The following TMEM63C variants were observed in gnomAD, a reference collection of about 807,000 sequenced individuals.
TMEM63C encodes the protein transmembrane protein 63C.
In TMEM63C, 32 loss-of-function variants were observed where a neutral mutation model predicts 99.2. That is an observed-to-expected ratio of 0.32 (90% CI 0.24 to 0.43). The LOEUF is 0.43. TMEM63C is among the 20% of genes least tolerant of loss of function. TMEM63C has a pLI of 1.00. For synonymous variants in TMEM63C, 376 were observed against 397.9 expected, an observed-to-expected ratio of 0.94 and a Z score of 0.66; for missense variants, 826 against 1,053.0, an observed-to-expected ratio of 0.78 and a Z score of 2.98.
rs1046457474 is a variant in TMEM63C, at chr14:77,257,453, T to A, written c.*727T>A. On this transcript the variant is annotated 3_prime_UTR_variant, in exon 24 of 24. Coordinates refer to ENST00000298351, the MANE Select transcript of TMEM63C (RefSeq NM_020431.4). ...GCGTGATCACTCAGGGCTCATCAAA[T>A]GAGACTCGTGTGCATTTTTCAGAAG... is the stretch of plus-strand genomic sequence containing the variant. 1 of 152,194 alleles carries A rather than the reference T, an allele frequency of 6.6e-6. No homozygotes were observed. The highest frequency in any genetic ancestry group is 6.5e-5 in the Admixed American group (1 of 15,288). The allele number at this position is 152,194 out of a possible 1,614,324, so 9.4% of individuals were successfully genotyped here.
At chr14:77,239,076 C>T (rs1042942972) in intron 10 of TMEM63C, among the ~76,000 whole-genome samples, 5 of 152,224 alleles carry the variant, frequency 3.3e-5, no homozygotes, top group Non-Finnish European at 7.3e-5. Flanking sequence ...AGAAGATCAT[C>T]TGGAGACATC....
intron 15 of TMEM63C, 100 bp from the exon 16 acceptor site, chr14:77,244,249 G>A: frequency 1.1e-6 from 1 of 927,992 alleles, no homozygotes; most frequent in South Asian, 1.5e-5. Context: ...GCCTCCAGGA[G>A]AGCAAGCCAG....
intron 18 of TMEM63C, 79 bp from the exon 19 acceptor site, chr14:77,248,268 T>C (rs1889297293): frequency 5.4e-6 from 7 of 1,300,752 alleles, no homozygotes; most frequent in Non-Finnish European, 7.5e-6. Flanking sequence ...TCTGCTGCTC[T>C]CCTCTCTCTC....
At position 77,242,953 on chromosome 14, in the gene TMEM63C, T is replaced by C; in HGVS notation, c.1238T>C (p.Ile413Thr). Residue 413 changes from isoleucine to threonine, a missense_variant, in exon 15 of 24, where the codon ATC (isoleucine) becomes ACC (threonine). By Grantham distance (89) the Ile-to-Thr change is moderately conservative. Transcript: ENST00000298351. ...RFFWWARFIAINTFLFFLFFF... is the reference protein window; with the variant it reads ...RFFWWARFIATNTFLFFLFFF... ...TTTTGGTGGGCCCGCTTTATCGCAA[T>C]CAACACCTTCCTCTTCTTCCTCTTC... 6.2e-7 allele frequency: 1 copy of C among 1,613,988 alleles called. No individual in the cohort carries two copies. The highest frequency in any genetic ancestry group is 8.5e-7 in the Non-Finnish European group (1 of 1,179,896).
rs189107852 is a variant in TMEM63C, at chr14:77,214,447, C to A, written c.-14+939C>A. Among the ~76,000 whole-genome samples the A allele has an allele frequency of 3.0e-3, 463 of 152,182 alleles. 4 individuals carry two copies. The highest frequency in any genetic ancestry group is 0.011 in the African/African-American group (444 of 41,516). ...ACTGGGAGACTCCCCAGTCCAGCTTCCCTTTCCACCCTCTCAGAGGGTGGT... is the reference window on the plus strand; with the variant it reads ...ACTGGGAGACTCCCCAGTCCAGCTTACCTTTCCACCCTCTCAGAGGGTGGT... On this transcript the variant is annotated intron_variant, in intron 2 of 23. Coordinates refer to ENST00000298351, the MANE Select transcript of TMEM63C (RefSeq NM_020431.4).
intron 18 of TMEM63C, 106 bp from the exon 19 acceptor site, chr14:77,248,241 C>T: frequency 5.1e-6 from 5 of 985,984 alleles, no homozygotes; most frequent in Non-Finnish European, 6.0e-6. Flanking sequence ...TGTATCTCCA[C>T]TCCGATTCCC....
chr14:77,222,213 C>T (rs1258394366), intron 5 of TMEM63C, among the ~76,000 whole-genome samples: 1 of 152,238 alleles, frequency 6.6e-6, no homozygotes, highest in Non-Finnish European at 1.5e-5. Flanking sequence ...TCCCACCACA[C>T]ACCCACCTGT....
At chr14:77,238,353 C>T (rs1319191368) in intron 9 of TMEM63C, among the ~76,000 whole-genome samples, 1 of 152,242 alleles carries the variant, frequency 6.6e-6, no homozygotes, top group Non-Finnish European at 1.5e-5. Context: ...CTCTGATCCT[C>T]CACCCCAGCC....
chr14:77,244,300 G>T, intron 15 of TMEM63C, 49 bp from the exon 16 acceptor site: 1 of 1,371,790 alleles, frequency 7.3e-7, no homozygotes, highest in Non-Finnish European at 1.0e-6. Context: ...AGGGGAAGAG[G>T]ATGCTTGCAT....
At chr14:77,233,237 G>C (rs1286851687) in intron 7 of TMEM63C, among the ~76,000 whole-genome samples, 1 of 152,122 alleles carries the variant, frequency 6.6e-6, no homozygotes, top group Non-Finnish European at 1.5e-5. Flanking sequence ...AAGTGTTCTC[G>C]CTTTCCTCCC....
intron 5 of TMEM63C, 90 bp from the exon 6 acceptor site, chr14:77,225,334 C>T: frequency 7.8e-7 from 1 of 1,281,454 alleles, no homozygotes; most frequent in Non-Finnish European, 1.1e-6. Flanking sequence ...GCCGCGGCTG[C>T]CTCAGATGAC....
At chr14:77,189,780 A>G (rs929387828) in intron 1 of TMEM63C, among the ~76,000 whole-genome samples, 2 of 152,186 alleles carry the variant, frequency 1.3e-5, no homozygotes, top group Admixed American at 1.3e-4. Flanking sequence ...GGGAACTGGC[A>G]GGTTTCACTG....
intron 7 of TMEM63C, among the ~76,000 whole-genome samples, chr14:77,233,143 C>T (rs147013779): frequency 6.6e-6 from 1 of 152,202 alleles, no homozygotes; most frequent in Admixed American, 6.5e-5. Flanking sequence ...TCATTCTGCT[C>T]GTGGCTGGAT....
chr14:77,212,934 C>G (rs965358120), intron 1 of TMEM63C, among the ~76,000 whole-genome samples: 7 of 152,224 alleles, frequency 4.6e-5, no homozygotes, highest in Non-Finnish European at 1.0e-4. Context: ...CGCCCAACAG[C>G]AGTCCTCTCC....
chr14:77,211,181 G>GC (rs1888491685), intron 1 of TMEM63C, among the ~76,000 whole-genome samples: 1 of 152,184 alleles, frequency 6.6e-6, no homozygotes, highest in East Asian at 1.9e-4. Context: ...CCCTTCCTCT[G>GC]CCCCCTGCTC....
At chr14:77,213,901 C>T (rs1232459234) in intron 2 of TMEM63C, among the ~76,000 whole-genome samples, 2 of 152,116 alleles carry the variant, frequency 1.3e-5, no homozygotes, top group Non-Finnish European at 2.9e-5. Flanking sequence ...AAGAGACTCC[C>T]GGATCCTGCT....
intron 6 of TMEM63C, 50 bp downstream of exon 6, chr14:77,225,511 G>T (rs757355494): frequency 9.4e-6 from 15 of 1,602,864 alleles, no homozygotes; most frequent in Non-Finnish European, 1.1e-5. Flanking sequence ...TTGGGGGTGG[G>T]GGGTGGAGGC....
chr14:77,220,939 T>C (rs454484), intron 5 of TMEM63C, among the ~76,000 whole-genome samples: 226 of 6,248 alleles, frequency 0.036, 53 homozygotes, highest in Admixed American at 0.051. Flanking sequence ...CACCCACGCC[T>C]CCCCTCCCAC....
At chr14:77,208,008 A>G (rs1279771158) in intron 1 of TMEM63C, among the ~76,000 whole-genome samples, 2 of 152,026 alleles carry the variant, frequency 1.3e-5, no homozygotes, top group African/African-American at 4.8e-5. Context: ...CCCTAACTTC[A>G]CGGTACTAAC....
Sources: allele counts gnomAD v4.1 joint callset (sites outside exome capture counted in the v4.1 genomes callset), GRCh38; gene constraint gnomAD v4.1.1; transcripts MANE v1.5; gene names NCBI Gene and HGNC (gene_info 2026-07-23, HGNC 2026-07-21).